PDZRN4: variants seen among roughly 807,000 people sequenced by gnomAD.
PDZRN4 encodes PDZ domain containing ring finger 4.
PDZRN4 carries 70 observed loss-of-function variants against 99.0 expected under a neutral mutation model. The ratio of observed to expected loss-of-function variants is 0.71; its 90% CI spans 0.58 to 0.86. PDZRN4 has a LOEUF of 0.86. PDZRN4 is among the 40% of genes least tolerant of loss of function. The probability of loss-of-function intolerance (pLI) is 0.00; values close to 1 mark genes in which losing one functional copy is unlikely to be tolerated. For synonymous variants in PDZRN4, 551 were observed against 501.6 expected (o/e 1.10, Z -1.32); for missense variants, 1,474 against 1,331.2 (o/e 1.11, Z -1.67).
chr12:41,530,938 G>C (rs1938650108), intron 5 of PDZRN4, among the ~76,000 whole-genome samples: 1 of 152,062 alleles, frequency 6.6e-6, no homozygotes, highest in Admixed American at 6.5e-5. Context: ...CAAACCCCTA[G>C]GGTAGCATAC....
rs139840309 is a variant in PDZRN4, at chr12:41,477,545, A to C, written c.844-28911A>C. Reference sequence around the variant, plus strand: ...TTTGGGTTGGGGACAATTGTGGCATAGTTTGAGTATTTTAATTCCTTTTGT... The same window carrying C: ...TTTGGGTTGGGGACAATTGTGGCATCGTTTGAGTATTTTAATTCCTTTTGT... On this transcript the variant is annotated intron_variant, in intron 3 of 9. Transcript: ENST00000402685. Among the ~76,000 whole-genome samples, 243 of 152,348 alleles carry C rather than the reference A, an allele frequency of 1.6e-3. 1 individual carries two copies. The highest frequency in any genetic ancestry group is 4.6e-3 in the African/African-American group (193 of 41,588).
chr12:41,504,281 T>A (rs1360171391), intron 3 of PDZRN4, among the ~76,000 whole-genome samples: 1 of 150,606 alleles, frequency 6.6e-6, no homozygotes, highest in African/African-American at 2.5e-5. Context: ...AAATAAAAAA[T>A]AAAAATAAAT....
intron 3 of PDZRN4, among the ~76,000 whole-genome samples, chr12:41,413,595 C>T (rs1952416777): frequency 6.6e-6 from 1 of 152,102 alleles, no homozygotes; most frequent in South Asian, 2.1e-4. Context: ...GATCCCTATA[C>T]ATTATATGTG....
intron 3 of PDZRN4, among the ~76,000 whole-genome samples, chr12:41,493,901 T>G (rs368858076): frequency 6.5e-5 from 9 of 138,370 alleles, no homozygotes; most frequent in Non-Finnish European, 9.5e-5. Context: ...AAAAAAATAA[T>G]GGGGGGGGGG....
At chr12:41,556,297 C>T (rs561732865) in intron 7 of PDZRN4, among the ~76,000 whole-genome samples, 1 of 152,256 alleles carries the variant, frequency 6.6e-6, no homozygotes, top group Middle Eastern at 3.4e-3. Flanking sequence ...AGTCATGAGT[C>T]ACTTAATATG....
intron 3 of PDZRN4, among the ~76,000 whole-genome samples, chr12:41,306,488 G>C (rs190537022): frequency 7.2e-5 from 11 of 152,236 alleles, no homozygotes; most frequent in Admixed American, 2.0e-4. Flanking sequence ...ATCCCCTTCA[G>C]TTCTAGCTGG....
Position 41,417,243 on chromosome 12 carries a change from T to C in PDZRN4, c.844-89213T>C, listed in dbSNP as rs138829332. Among the ~76,000 whole-genome samples the C allele has an allele frequency of 7.1e-3, 1,086 of 152,326 alleles. 6 individuals are homozygous for C. The highest frequency in any genetic ancestry group is 0.012 in the Non-Finnish European group (796 of 68,024). ...TTGTAATTCATACATGTCTTTAATGTCATAGTGTTTCCTTCCTCTCACCAA... is the reference window on the plus strand; with the variant it reads ...TTGTAATTCATACATGTCTTTAATGCCATAGTGTTTCCTTCCTCTCACCAA... On this transcript the variant is annotated intron_variant, in intron 3 of 9. Coordinates refer to ENST00000402685, the MANE Select transcript of PDZRN4 (RefSeq NM_001164595.2).
chr12:41,292,962 G>A (rs1436350221), intron 3 of PDZRN4, among the ~76,000 whole-genome samples: 2 of 151,542 alleles, frequency 1.3e-5, no homozygotes, highest in East Asian at 2.0e-4. Flanking sequence ...CTGAGATACG[G>A]CTAGGAATTC....
At chr12:41,397,775 A>G (rs1250713594) in intron 3 of PDZRN4, among the ~76,000 whole-genome samples, 1 of 152,128 alleles carries the variant, frequency 6.6e-6, no homozygotes, top group Non-Finnish European at 1.5e-5. Flanking sequence ...CCCTTGAAGA[A>G]CTAATAATAC....
intron 3 of PDZRN4, among the ~76,000 whole-genome samples, chr12:41,230,057 G>C (rs141137207): frequency 5.0e-4 from 76 of 152,024 alleles, no homozygotes; most frequent in African/African-American, 1.7e-3. Context: ...AAAGCCATCT[G>C]TGTCTCTTCT....
Position 41,555,714 on chromosome 12 carries a change from T to C in PDZRN4, c.1319T>C (p.Ile440Thr). The C allele has an allele frequency of 2.5e-6, 4 of 1,614,014 alleles. No homozygotes were observed. The highest frequency in any genetic ancestry group is 3.4e-6 in the Non-Finnish European group (4 of 1,179,918). The change falls in exon 7 of 10, where the codon ATT (isoleucine) becomes ACT (threonine). Residue 440 changes from isoleucine (I) to threonine (T), a missense_variant. Physicochemically the swap from Ile to Thr is moderately conservative, Grantham distance 89. Transcript: ENST00000402685. ...IYVSEVDPNS[I>T]AAKDGRIREG... ...TCATTACAGGTTGACCCAAATAGCA[T>C]TGCTGCCAAAGACGGCCGGATTCGA...
chr12:41,254,077 C>A (rs77163178), intron 3 of PDZRN4, among the ~76,000 whole-genome samples: 5 of 150,540 alleles, frequency 3.3e-5, no homozygotes, highest in African/African-American at 1.2e-4. Flanking sequence ...GTGTTTATTA[C>A]CTTTGAACTA....
At chr12:41,223,033 T>C (rs1950968747) in intron 3 of PDZRN4, among the ~76,000 whole-genome samples, 1 of 152,178 alleles carries the variant, frequency 6.6e-6, no homozygotes, top group South Asian at 2.1e-4. Context: ...GGTGCAAAAG[T>C]AATTGCCGTG....
intron 3 of PDZRN4, among the ~76,000 whole-genome samples, chr12:41,373,441 G>T (rs951677471): frequency 5.3e-4 from 81 of 152,250 alleles, no homozygotes; most frequent in African/African-American, 1.9e-3. Flanking sequence ...CCTACCCTCA[G>T]GGATGCATTC....
intron 3 of PDZRN4, among the ~76,000 whole-genome samples, chr12:41,201,478 C>T (rs1431106): frequency 0.68 from 104,003 of 151,948 alleles, 35,736 homozygotes; most frequent in South Asian, 0.76. Flanking sequence ...ATGGGTTTCT[C>T]AGAAGTGGTT....
chr12:41,358,955 ATTATT>A (rs1951947157), intron 3 of PDZRN4, among the ~76,000 whole-genome samples: 1 of 151,982 alleles, frequency 6.6e-6, no homozygotes, highest in Admixed American at 6.6e-5. Context: ...ATTTATTTAA[ATTATT>A]TAATTTAATG....
intron 5 of PDZRN4, among the ~76,000 whole-genome samples, chr12:41,543,014 G>A (rs891748798): frequency 6.6e-6 from 1 of 152,032 alleles, no homozygotes; most frequent in Non-Finnish European, 1.5e-5. Flanking sequence ...CCAGGACTTT[G>A]GTTATGAGAC....
chr12:41,216,148 A>G (rs930742589), intron 3 of PDZRN4, among the ~76,000 whole-genome samples: 4 of 152,054 alleles, frequency 2.6e-5, no homozygotes, highest in Admixed American at 2.6e-4. Context: ...TCCATAGGCC[A>G]AATCCAGAGT....
At chr12:41,459,890 T>G in intron 3 of PDZRN4, 1 of 1,208,400 alleles carries the variant, frequency 8.3e-7, no homozygotes, top group Non-Finnish European at 1.0e-6. Flanking sequence ...AAATGAAAAC[T>G]TCTAGAACAA....
Sources: gnomAD v4.1 joint callset for allele counts (sites outside exome capture counted in the v4.1 genomes callset) on GRCh38, gnomAD v4.1.1 for gene constraint, MANE v1.5 for transcripts, NCBI Gene and HGNC (gene_info 2026-07-23, HGNC 2026-07-21) for gene names.